The following CRYBG3 variants were observed in gnomAD, a reference collection of about 807,000 sequenced individuals.
The protein encoded by CRYBG3 is very large A-kinase anchor protein.
CRYBG3 carries 127 observed loss-of-function variants against 244.2 expected under a neutral mutation model. The ratio of observed to expected loss-of-function variants is 0.52; its 90% CI spans 0.45 to 0.60. CRYBG3 has a LOEUF of 0.60. Ranked by LOEUF, CRYBG3 falls within the 20% of genes least tolerant of loss-of-function variation. The pLI, the probability that CRYBG3 is intolerant of heterozygous loss-of-function variation, is 0.00. For missense variants in CRYBG3, 3,325 were observed against 3,442.5 expected (o/e 0.97, Z 0.85); for synonymous variants, 1,132 against 1,195.8 (o/e 0.95, Z 1.10).
chr3:97,875,233 G>C lies in CRYBG3; in HGVS notation c.4039G>C (p.Asp1347His). The change falls in exon 4 of 22, where the codon GAT (aspartate) becomes CAT (histidine). Residue 1347 changes from aspartate to histidine, a missense_variant. By Grantham distance (81) the Asp-to-His change is moderately conservative. This residue lies in a region of CRYBG3 where 635 missense variants were observed against 771.7 expected (regional missense o/e 0.82). Transcript: ENST00000389622. ...TAATACTTCAAAAATTCTGAACAGT[G>C]ATAGTGTTAAGCCACATGATGTAGT... ...QANTSKILNS[D>H]SVKPHDVVRE... 1.3e-6 allele frequency: 2 copies of C among 1,528,772 alleles called. No homozygotes were observed. The highest frequency in any genetic ancestry group is 1.7e-6 in the Non-Finnish European group (2 of 1,144,268). The allele number at this position is 1,528,772 out of a possible 1,614,324, so 94.7% of individuals were successfully genotyped here.
chr3:97,879,720 C>T lies in CRYBG3; in HGVS notation c.6860C>T (p.Thr2287Ile). ...SPFIENVDKQ[T>I]LRCNPRPGKM... ...TTATTTCAGAATGTTGACAAACAAACTCTGAGATGTAACCCAAGACCTGGG... is the reference window on the plus strand; with the variant it reads ...TTATTTCAGAATGTTGACAAACAAATTCTGAGATGTAACCCAAGACCTGGG... The change falls in exon 5 of 22, where the codon ACT becomes ATT. Residue 2287 changes from threonine to isoleucine, a missense_variant. Around this residue, in one of 4 missense-constraint regions of CRYBG3, gnomAD observed 714 missense variants for 803.6 expected, o/e 0.89. Transcript: ENST00000389622. The T allele has an allele frequency of 6.2e-7, 1 of 1,604,042 alleles. No individual in the cohort carries two copies. The highest frequency in any genetic ancestry group is 1.7e-5 in the Admixed American group (1 of 58,652).
rs537983686 is a variant in CRYBG3 at position 97,876,217 on chromosome 3, G to A, written c.5023G>A (p.Ala1675Thr). 5 of 1,231,932 alleles carry A rather than the reference G, an allele frequency of 4.1e-6. No individual in the cohort carries two copies. In the South Asian group the frequency reaches 1.2e-4, roughly 30 times the overall value. 76.3% of individuals were successfully genotyped at this position (1,231,932 alleles called of 1,614,324 possible). Residue 1675 changes from alanine to threonine, a missense_variant, in exon 4 of 22, where the codon GCT becomes ACT. Ala to Thr is a moderately conservative substitution (Grantham distance 58, BLOSUM62 0). Around this residue, in one of 4 missense-constraint regions of CRYBG3, gnomAD observed 635 missense variants for 771.7 expected, o/e 0.82. Transcript: ENST00000389622. ...CATGGAAAATATTTACCAAACGCAT[G>A]CTGAAGGGGATATTGGCAAGACTGG... Reference protein sequence around the residue: ...VDMENIYQTHAEGDIGKTGTI... With the variant: ...VDMENIYQTHTEGDIGKTGTI...
chr3:97,940,427 T>A (rs918736341), intron 19 of CRYBG3, among the ~76,000 whole-genome samples: 2 of 152,050 alleles, frequency 1.3e-5, no homozygotes, highest in African/African-American at 4.8e-5. Context: ...AATAACATAA[T>A]GGCACAGAAT....
At chr3:97,910,275 CCCAGTTCGAGCT>C (rs1268342046) in intron 15 of CRYBG3, among the ~76,000 whole-genome samples, 1 of 152,156 alleles carries the variant, frequency 6.6e-6, no homozygotes, top group African/African-American at 2.4e-5. Flanking sequence ...GTGGGCTCCA[CCCAGTTCGAGCT>C]TCCTGGCTGC....
chr3:97,933,801 C>T lies in CRYBG3; in HGVS notation c.8349C>T (p.Phe2783=). The T allele has an allele frequency of 1.2e-6, 2 of 1,612,670 alleles. No homozygotes were observed. The highest frequency in any genetic ancestry group is 1.1e-5 in the South Asian group (1 of 90,992). ...VNSVLNKDLH[F]YTQSVWVKSG... ...CTGTTCTGAACAAGGACCTACACTT[C>T]TACACCCAGTCTGTGTGGGTAAAAA... The change falls in exon 18 of 22, where the codon TTC becomes TTT. Residue 2783 remains phenylalanine, a synonymous_variant. Coordinates refer to ENST00000389622, the MANE Select transcript of CRYBG3 (RefSeq NM_153605.4).
chr3:97,910,251 C>T (rs1363103947), intron 15 of CRYBG3, among the ~76,000 whole-genome samples: 1 of 152,096 alleles, frequency 6.6e-6, no homozygotes, highest in Admixed American at 6.5e-5. Context: ...GCAGGCAGGC[C>T]TCCTTGAGCT....
At chr3:97,932,305 T>C (rs561541229) in intron 17 of CRYBG3, among the ~76,000 whole-genome samples, 1 of 152,220 alleles carries the variant, frequency 6.6e-6, no homozygotes, top group African/African-American at 2.4e-5. Flanking sequence ...ATCTTGGTGA[T>C]CTTTCATAAA....
rs979967824 is a variant in CRYBG3 at position 97,896,141 on chromosome 3, A to G, written c.7701+56A>G. 4 of 1,521,314 alleles carry G rather than the reference A, an allele frequency of 2.6e-6. No individual in the cohort carries two copies. The African/African-American group carries it at 5.6e-5, about 21-fold the overall frequency. 94.2% of individuals were successfully genotyped at this position (1,521,314 alleles called of 1,614,324 possible). On this transcript the variant is annotated intron_variant, in intron 12 of 21. Transcript: ENST00000389622. ...ACCTTTTAAAAAATCTGTTCACAAA[A>G]ATTGGACATGACTCCTGATAGAACA...
At chr3:97,941,824 C>T (rs944653359) in intron 20 of CRYBG3, 1 of 153,314 alleles carries the variant, frequency 6.5e-6, no homozygotes, top group Non-Finnish European at 1.5e-5. Context: ...TAAAAACATT[C>T]AAACTGTGTT....
intron 13 of CRYBG3, 47 bp from the exon 14 acceptor site, chr3:97,899,090 T>C: frequency 1.2e-6 from 2 of 1,600,880 alleles, no homozygotes; most frequent in South Asian, 1.1e-5. Flanking sequence ...TGCTCAATTG[T>C]ATATCACTTG....
intron 2 of CRYBG3, among the ~76,000 whole-genome samples, chr3:97,862,059 G>A (rs1240945811): frequency 6.6e-6 from 1 of 150,816 alleles, no homozygotes; most frequent in Non-Finnish European, 1.5e-5. Context: ...GAATAGCAAA[G>A]AAGCAGACAG....
chr3:97,904,864 A>G (rs975182766), intron 15 of CRYBG3, among the ~76,000 whole-genome samples: 15 of 148,964 alleles, frequency 1.0e-4, no homozygotes, highest in African/African-American at 3.0e-4. Context: ...CATTAGGTAT[A>G]TCTCCCAATG....
At position 97,896,099 on chromosome 3, in the gene CRYBG3, C is replaced by T. The variant is rs1320815394; in HGVS notation, c.7701+14C>T. 4.4e-6 allele frequency: 7 copies of T among 1,588,174 alleles called. No homozygotes were observed. The highest frequency in any genetic ancestry group is 6.0e-6 in the Non-Finnish European group (7 of 1,168,256). ...TACTTACAAGCTGTGAGTTAGCTTC[C>T]TTATCCTTAATTTTCTACCTTTTAA... On this transcript the variant is annotated intron_variant, in intron 12 of 21. Transcript: ENST00000389622.
chr3:97,941,067 C>A, intron 19 of CRYBG3, 81 bp from the exon 20 acceptor site: 1 of 1,172,620 alleles, frequency 8.5e-7, no homozygotes, highest in Non-Finnish European at 1.2e-6. Context: ...CTCTCACTTT[C>A]CCTCCCAGCT....
In CRYBG3 at chr3:97,943,519, A is replaced by G; in HGVS notation, c.*205A>G. On this transcript the variant is annotated 3_prime_UTR_variant, in exon 22 of 22. Transcript: ENST00000389622. The stretch of plus-strand genomic sequence containing the variant: ...CTTGCCATTACTCAGTGTTCCTATA[A>G]AGAAAATATTATGATATCTTGGAAA... The G allele has an allele frequency of 1.9e-6, 1 of 516,508 alleles. No homozygotes were observed. The highest frequency in any genetic ancestry group is 3.4e-6 in the Non-Finnish European group (1 of 298,114). 32.0% of individuals were successfully genotyped at this position (516,508 alleles called of 1,614,324 possible).
chr3:97,906,225 C>T (rs1325583459), intron 15 of CRYBG3, among the ~76,000 whole-genome samples: 5 of 133,448 alleles, frequency 3.7e-5, no homozygotes, highest in East Asian at 4.7e-4. Context: ...CTTCGCAATG[C>T]GGGCTCTTTT....
In CRYBG3 at chr3:97,941,133, T is replaced by C. The variant is rs1314923968; in HGVS notation, c.8506-15T>C. The C allele has an allele frequency of 6.3e-7, 1 of 1,583,474 alleles. No individual in the cohort carries two copies. Among genetic ancestry groups the C allele is most frequent in the Non-Finnish European group, 8.6e-7 (1 of 1,165,238 alleles). On this transcript the variant is annotated splice_polypyrimidine_tract_variant and intron_variant, in intron 19 of 21. Transcript: ENST00000389622. Reference sequence around the variant, plus strand: ...TCAAAAGTTTATTTCTAAATGGCTGTTTCTCCTGTCATAGCCTGCAGTGTA... The same window carrying C: ...TCAAAAGTTTATTTCTAAATGGCTGCTTCTCCTGTCATAGCCTGCAGTGTA...
At chr3:97,886,826 A>C in intron 8 of CRYBG3, 59 bp downstream of exon 8, 1 of 1,390,988 alleles carries the variant, frequency 7.2e-7, no homozygotes, top group Non-Finnish European at 9.7e-7. Context: ...ATATTTCAAT[A>C]GATGACATAC....
intron 3 of CRYBG3, among the ~76,000 whole-genome samples, chr3:97,865,907 T>C (rs1272636389): frequency 6.6e-6 from 1 of 152,190 alleles, no homozygotes; most frequent in Non-Finnish European, 1.5e-5. Flanking sequence ...TTCAAATTCT[T>C]TTATGTCAAA....
Sources: gnomAD v4.1 joint callset for allele counts (sites outside exome capture counted in the v4.1 genomes callset) on GRCh38, gnomAD v4.1.1 for gene constraint, gnomAD v4.1.1 regional missense constraint, MANE v1.5 for transcripts, NCBI Gene and HGNC (gene_info 2026-07-23, HGNC 2026-07-21) for gene names.